The following MYO7B variants were observed in gnomAD, a reference collection of about 807,000 sequenced individuals.
The protein encoded by MYO7B is myosin VIIB.
In MYO7B, 212 loss-of-function variants were observed where a neutral mutation model predicts 259.7. The observed-to-expected ratio is 0.82, with a 90% CI of 0.73 to 0.91. The LOEUF is 0.91. Among genes scored for constraint, MYO7B ranks in the 40% least tolerant of loss-of-function variants. MYO7B has a pLI of 0.00. For synonymous variants in MYO7B, 1,197 were observed against 1,166.4 expected (o/e 1.03, Z -0.54); for missense variants, 2,732 against 2,813.5 (o/e 0.97, Z 0.66).
chr2:127,591,609 G>A (rs747687112), intron 16 of MYO7B, among the ~76,000 whole-genome samples: 10 of 152,208 alleles, frequency 6.6e-5, no homozygotes, highest in Admixed American at 2.6e-4. Flanking sequence ...ACACTTACCC[G>A]AGGCTAAGCT....
chr2:127,620,295 T>C, intron 26 of MYO7B, 45 bp from the exon 27 acceptor site: 1 of 1,569,002 alleles, frequency 6.4e-7, no homozygotes, highest in Non-Finnish European at 8.7e-7. Flanking sequence ...TCTCCTCTCC[T>C]CCTCCAGCCC....
At position 127,612,570 on chromosome 2, in the gene MYO7B, T is replaced by C; in HGVS notation, c.3365T>C (p.Ile1122Thr). 2 of 1,607,028 alleles carry C rather than the reference T, an allele frequency of 1.2e-6. No individual in the cohort carries two copies. The highest frequency in any genetic ancestry group is 1.7e-6 in the Non-Finnish European group (2 of 1,177,032). ...TCCAACCTGGAGAAGGTGCACTTCA[T>C]CGTGGGCTACGCCATCCTGCGGCCC... is the stretch of plus-strand genomic sequence containing the variant. ...PMSNLEKVHF[I>T]VGYAILRPSL... The change falls in exon 26 of 48, where the codon ATC becomes ACC. Residue 1122 changes from isoleucine to threonine, a missense_variant. This residue lies in a region of MYO7B where 1,906 missense variants were observed against 2,026.4 expected (regional missense o/e 0.94). Coordinates refer to ENST00000409816, the MANE Select transcript of MYO7B (RefSeq NM_001393586.1).
At position 127,637,659 on chromosome 2, in the gene MYO7B, A is replaced by G; in HGVS notation, c.*242A>G. On this transcript the variant is annotated 3_prime_UTR_variant, in exon 48 of 48. Coordinates refer to ENST00000409816, the MANE Select transcript of MYO7B (RefSeq NM_001393586.1). ...CCCCCAGGCTATTGGTGGATGACTGACTGACAGGACACCTCCCAACCCCAC... is the reference window on the plus strand; with the variant it reads ...CCCCCAGGCTATTGGTGGATGACTGGCTGACAGGACACCTCCCAACCCCAC... 1 of 428,992 alleles carries G rather than the reference A, an allele frequency of 2.3e-6. No individual in the cohort carries two copies. The highest frequency in any genetic ancestry group is 4.1e-6 in the Non-Finnish European group (1 of 242,678). 26.6% of individuals were successfully genotyped at this position (428,992 alleles called of 1,614,324 possible). A position where few individuals can be genotyped will look rare whatever the true frequency, so the allele number is the denominator to read the frequency against.
rs1409724847 is a variant in MYO7B at position 127,584,446 on chromosome 2, T to C, written c.1554+114T>C. 9.5e-6 allele frequency: 11 copies of C among 1,163,412 alleles called. No individual in the cohort carries two copies. In the African/African-American group the frequency reaches 1.2e-4, roughly 13 times the overall value. 72.1% of individuals were successfully genotyped at this position (1,163,412 alleles called of 1,614,324 possible). A position where few individuals can be genotyped will look rare whatever the true frequency, so the allele number is the denominator to read the frequency against. ...TTGTTCTGAGAGTCACTAAAACCTC[T>C]GCCAGGAATAAGCAGAAGAGCCTCA... On this transcript the variant is annotated intron_variant, in intron 13 of 47. Coordinates refer to ENST00000409816, the MANE Select transcript of MYO7B (RefSeq NM_001393586.1). The surrounding 1 kb of genome is among the most constrained non-coding windows in gnomAD (Gnocchi z 5.8).
rs935845351 is a variant in MYO7B, at chr2:127,586,588, G to A, written c.1690+1675G>A. On this transcript the variant is annotated intron_variant, in intron 14 of 47. Coordinates refer to ENST00000409816, the MANE Select transcript of MYO7B (RefSeq NM_001393586.1). This position sits in a 1 kb window ranked among gnomAD's most constrained non-coding sequence, Gnocchi z 4.8. ...GAAAAGGGAGAGGCTGGAGCCAGTC[G>A]GACCTGCAGGGTCCTGGGACGCAAA... Among the ~76,000 whole-genome samples the A allele has an allele frequency of 5.9e-5, 9 of 152,162 alleles. No homozygotes were observed. Among genetic ancestry groups the A allele is most frequent in the African/African-American group, 1.7e-4 (7 of 41,436 alleles).
chr2:127,575,542 G>A (rs1271129632), intron 7 of MYO7B, among the ~76,000 whole-genome samples: 1 of 151,838 alleles, frequency 6.6e-6, no homozygotes, highest in Non-Finnish European at 1.5e-5. Flanking sequence ...AAAGGAAGTA[G>A]CAGAACCACA....
chr2:127,588,420 G>A lies in MYO7B; in HGVS notation c.1719G>A (p.Leu573=), dbSNP rs2104957070. Residue 573 remains leucine (L), a synonymous_variant, in exon 15 of 48, where the codon CTG becomes CTA. Transcript: ENST00000409816. The part of the protein sequence containing the change: ...EGFLEKNRDV[L]STDILTLVYS... ...TCCTGGAGAAGAACCGAGACGTGCT[G>A]AGCACAGATATCCTCACCCTGGTTT... 3 of 1,613,060 alleles carry A rather than the reference G, an allele frequency of 1.9e-6. 1 individual carries two copies. In the South Asian group the frequency reaches 3.3e-5, roughly 18 times the overall value.
At position 127,636,100 on chromosome 2, in the gene MYO7B, C is replaced by T; in HGVS notation, c.6007-108C>T. 1 of 1,100,646 alleles carries T rather than the reference C, an allele frequency of 9.1e-7. No individual in the cohort carries two copies. The highest frequency in any genetic ancestry group is 1.3e-6 in the Non-Finnish European group (1 of 753,548). The allele number at this position is 1,100,646 out of a possible 1,614,324, so 68.2% of individuals were successfully genotyped here. A position where few individuals can be genotyped will look rare whatever the true frequency, so the allele number is the denominator to read the frequency against. On this transcript the variant is annotated intron_variant, in intron 44 of 47. Transcript: ENST00000409816. This position sits in a 1 kb window ranked among gnomAD's most constrained non-coding sequence, Gnocchi z 4.5. ...GAGACTGTCCCATGCTGCATTCCTC[C>T]CCTCCCCTCCCCACCGTACTAGCCC... is the stretch of plus-strand genomic sequence containing the variant.
At position 127,576,199 on chromosome 2, in the gene MYO7B, G is replaced by C. The variant is rs530099348; in HGVS notation, c.736-396G>C. Among the ~76,000 whole-genome samples, 4 of 150,840 alleles carry C rather than the reference G, an allele frequency of 2.7e-5. No homozygotes were observed. In the East Asian group the frequency reaches 7.8e-4, roughly 29 times the overall value. On this transcript the variant is annotated intron_variant, in intron 7 of 47. Transcript: ENST00000409816. The surrounding 1 kb of genome is among the most constrained non-coding windows in gnomAD (Gnocchi z 4.9). ...GGGTGACAGAGCAAGACCTTCTCTC[G>C]GAAAAAAAAAAAATACTGAAGGCCT... is the stretch of plus-strand genomic sequence containing the variant.
intron 40 of MYO7B, 87 bp downstream of exon 40, chr2:127,633,450 G>T: frequency 1.5e-6 from 2 of 1,356,990 alleles, no homozygotes; most frequent in Non-Finnish European, 2.1e-6. Flanking sequence ...CTGCTCCTTG[G>T]TAACCCCAGA....
chr2:127,536,240 T>G (rs973943922), intron 1 of MYO7B, among the ~76,000 whole-genome samples: 5 of 152,198 alleles, frequency 3.3e-5, no homozygotes, highest in African/African-American at 1.2e-4. Flanking sequence ...CTGTGCCGTG[T>G]GTGACATCCC....
rs1016426016 is a variant in MYO7B at position 127,582,406 on chromosome 2, C to G, written c.1303C>G (p.Leu435Val). 6.2e-7 allele frequency: 1 copy of G among 1,613,448 alleles called. No homozygotes were observed. Among genetic ancestry groups the G allele is most frequent in the African/African-American group, 1.3e-5 (1 of 75,026 alleles). The change falls in exon 12 of 48, where the codon CTC becomes GTC. Residue 435 changes from leucine (L) to valine (V), a missense_variant. Around this residue, in one of 3 missense-constraint regions of MYO7B, gnomAD observed 1,906 missense variants for 2,026.4 expected, o/e 0.94. Transcript: ENST00000409816. The part of the protein sequence containing the change: ...DPKNVRRAIG[L>V]LDIFGFENFE... ...CAAAAATGTGCGGAGGGCCATCGGC[C>G]TCCTGGACATATTTGGCTTTGAAAA...
intron 12 of MYO7B, 47 bp downstream of exon 12, chr2:127,582,493 G>A: frequency 6.2e-7 from 1 of 1,600,608 alleles, no homozygotes; most frequent in Non-Finnish European, 8.5e-7. Flanking sequence ...GAAAACAGAA[G>A]ATAAGCAGCT....
intron 14 of MYO7B, among the ~76,000 whole-genome samples, chr2:127,587,553 CTTCT>C (rs1183563526): frequency 1.8e-3 from 268 of 149,396 alleles, no homozygotes; most frequent in African/African-American, 5.8e-3. Flanking sequence ...CTCATCTCCC[CTTCT>C]TTCTTTCTTT....
chr2:127,565,447 G>C, intron 4 of MYO7B, 62 bp downstream of exon 4: 1 of 1,589,072 alleles, frequency 6.3e-7, no homozygotes, highest in Non-Finnish European at 8.6e-7. Flanking sequence ...CTCCTGGACA[G>C]GGAGAAGAAA....
At position 127,584,761 on chromosome 2, in the gene MYO7B, TG is replaced by T; in HGVS notation, c.1555-16del. Reference sequence around the variant, plus strand: ...GACTCTGGGACCTCAGCCCACAGGGTGTCTGGGTTCTTCCAGGGGACAGATC... The same window carrying T: ...GACTCTGGGACCTCAGCCCACAGGGTTCTGGGTTCTTCCAGGGGACAGATC... On this transcript the variant is annotated splice_polypyrimidine_tract_variant and intron_variant, in intron 13 of 47. Transcript: ENST00000409816. The surrounding 1 kb of genome is among the most constrained non-coding windows in gnomAD (Gnocchi z 5.8). The T allele has an allele frequency of 6.2e-7, 1 of 1,613,150 alleles. No individual in the cohort carries two copies. The highest frequency in any genetic ancestry group is 8.5e-7 in the Non-Finnish European group (1 of 1,179,492).
At chr2:127,595,428 T>C (rs1187082550) in intron 18 of MYO7B, among the ~76,000 whole-genome samples, 2 of 152,182 alleles carry the variant, frequency 1.3e-5, no homozygotes, top group African/African-American at 4.8e-5. Context: ...AGCTCCTGGA[T>C]TCATTGATTT....
intron 18 of MYO7B, among the ~76,000 whole-genome samples, chr2:127,594,465 G>A (rs894869824): frequency 3.9e-5 from 6 of 152,100 alleles, no homozygotes; most frequent in Non-Finnish European, 7.4e-5. Flanking sequence ...CCCTCGAGTC[G>A]GTCTGTCTGT....
At position 127,609,565 on chromosome 2, in the gene MYO7B, G is replaced by A. The variant is rs757563947; in HGVS notation, c.2874G>A (p.Ala958=). The change falls in exon 23 of 48, where the codon GCG becomes GCA. Residue 958 remains alanine (A), a synonymous_variant. Transcript: ENST00000409816. The surrounding 1 kb of genome is among the most constrained non-coding windows in gnomAD (Gnocchi z 6.9). ...TTGACCTGGACACAGTCCCCATGGC[G>A]GAGGAGCCTGAGGAGGATGTGGATG... is the stretch of plus-strand genomic sequence containing the variant. ...LEVDLDTVPM[A]EEPEEDVDGL... 40 of 1,613,816 alleles carry A rather than the reference G, an allele frequency of 2.5e-5. 1 individual carries two copies. Among genetic ancestry groups the A allele is most frequent in the South Asian group, 1.9e-4 (17 of 91,062 alleles).
Sources: allele counts gnomAD v4.1 joint callset (sites outside exome capture counted in the v4.1 genomes callset), GRCh38; gene constraint gnomAD v4.1.1; regional missense constraint gnomAD v4.1.1; non-coding constraint Gnocchi (gnomAD v3.1); transcripts MANE v1.5; gene names NCBI Gene and HGNC (gene_info 2026-07-23, HGNC 2026-07-21).